Variants in MECOM observed in about 807,000 individuals in gnomAD.
MECOM encodes the protein MDS1 and EVI1 complex locus.
Under a neutral mutation model 116.3 loss-of-function variants are expected in MECOM, and 13 were observed. The observed-to-expected ratio is 0.11, with a 90% CI of 0.07 to 0.18. MECOM has a LOEUF of 0.18. Among genes scored for constraint, MECOM ranks in the 10% least tolerant of loss-of-function variants. The pLI is 1.00. For synonymous variants in MECOM, 528 were observed against 535.2 expected (o/e 0.99, Z 0.19); for missense variants, 1,299 against 1,509.0 (o/e 0.86, Z 2.31).
At chr3:169,518,716 C>T (rs1045533378) in intron 1 of MECOM, among the ~76,000 whole-genome samples, 10 of 152,158 alleles carry the variant, frequency 6.6e-5, no homozygotes, top group Admixed American at 3.3e-4. Flanking sequence ...TGAATTGTAA[C>T]TCCCACAATT....
intron 2 of MECOM, among the ~76,000 whole-genome samples, chr3:169,151,123 G>A (rs920658116): frequency 4.6e-5 from 7 of 152,094 alleles, no homozygotes; most frequent in Admixed American, 6.5e-5. Context: ...CTTCATGGTC[G>A]TCCCAGAAGT....
intron 2 of MECOM, among the ~76,000 whole-genome samples, chr3:169,328,819 G>A (rs1445111154): frequency 1.3e-5 from 2 of 152,114 alleles, no homozygotes; most frequent in East Asian, 3.8e-4. Flanking sequence ...ATAGAGAATT[G>A]TTGTACTTGA....
intron 2 of MECOM, among the ~76,000 whole-genome samples, chr3:169,348,564 A>G (rs1725768041): frequency 6.6e-6 from 1 of 152,006 alleles, no homozygotes. Flanking sequence ...CAGGAACTAC[A>G]AAGCAATCCT....
At chr3:169,254,925 C>T (rs1014053845) in intron 2 of MECOM, among the ~76,000 whole-genome samples, 1 of 151,996 alleles carries the variant, frequency 6.6e-6, no homozygotes, top group African/African-American at 2.4e-5. Context: ...TCCATGAAGG[C>T]TCTTCTTCTG....
intron 2 of MECOM, among the ~76,000 whole-genome samples, chr3:169,290,262 CTG>C (rs1714254229): frequency 6.6e-6 from 1 of 151,926 alleles, no homozygotes; most frequent in Non-Finnish European, 1.5e-5. Flanking sequence ...AACACAGTAA[CTG>C]GGGGAAAAAA....
intron 3 of MECOM, among the ~76,000 whole-genome samples, chr3:169,135,162 ACT>A (rs1735976622): frequency 6.6e-6 from 1 of 151,914 alleles, no homozygotes; most frequent in Admixed American, 6.6e-5. Context: ...TACTAATATA[ACT>A]CTCTCATTTT....
chr3:169,428,443 A>C (rs968055951), intron 1 of MECOM, among the ~76,000 whole-genome samples: 22 of 152,144 alleles, frequency 1.4e-4, no homozygotes, highest in African/African-American at 4.6e-4. Context: ...CAGTCATCTG[A>C]CAGAGGTGGA....
chr3:169,489,603 G>T (rs984007934), intron 1 of MECOM, among the ~76,000 whole-genome samples: 19 of 152,126 alleles, frequency 1.2e-4, no homozygotes, highest in African/African-American at 4.3e-4. Flanking sequence ...TGGGAACTTG[G>T]TATATGATGG....
intron 1 of MECOM, among the ~76,000 whole-genome samples, chr3:169,492,896 G>T (rs766055209): frequency 6.6e-6 from 1 of 151,094 alleles, no homozygotes; most frequent in Non-Finnish European, 1.5e-5. Context: ...GGAGGCGGAG[G>T]TTGCAATGAG....
chr3:169,277,987 A>T (rs1759823991), intron 2 of MECOM, among the ~76,000 whole-genome samples: 1 of 152,218 alleles, frequency 6.6e-6, no homozygotes, highest in South Asian at 2.1e-4. Context: ...TCTAAAGTGG[A>T]CCAACTTAGT....
intron 1 of MECOM, among the ~76,000 whole-genome samples, chr3:169,386,162 T>C (rs1246489144): frequency 6.6e-6 from 1 of 152,182 alleles, no homozygotes; most frequent in Non-Finnish European, 1.5e-5. Flanking sequence ...ATAACTACCA[T>C]AGGTTTCCAC....
chr3:169,382,545 G>A (rs1218941319), intron 1 of MECOM, among the ~76,000 whole-genome samples: 1 of 112,264 alleles, frequency 8.9e-6, no homozygotes, highest in Non-Finnish European at 1.9e-5. Context: ...TTGTCTTAGA[G>A]CAAATGAATA....
At chr3:169,570,385 T>A (rs1576929157) in intron 1 of MECOM, among the ~76,000 whole-genome samples, 1 of 152,248 alleles carries the variant, frequency 6.6e-6, no homozygotes, top group East Asian at 1.9e-4. Flanking sequence ...ACCAGACGGA[T>A]TCACAGCTGA....
intron 2 of MECOM, among the ~76,000 whole-genome samples, chr3:169,186,780 C>T (rs1196380393): frequency 6.6e-6 from 1 of 152,056 alleles, no homozygotes. Context: ...AGCTCCTCCA[C>T]CTAGAAAATA....
intron 14 of MECOM, 32 bp downstream of exon 14, chr3:169,092,926 C>T (rs1720229096): frequency 6.2e-7 from 1 of 1,607,556 alleles, no homozygotes; most frequent in Admixed American, 1.7e-5. Flanking sequence ...TTTCAGTCGT[C>T]ACAGAGTTTA....
chr3:169,622,172 C>T (rs1221751252), intron 1 of MECOM, among the ~76,000 whole-genome samples: 2 of 152,134 alleles, frequency 1.3e-5, no homozygotes, highest in East Asian at 3.9e-4. Context: ...TCATTGCAAC[C>T]TCTGCTTCCT....
At chr3:169,138,026 A>G (rs1736889886) in intron 3 of MECOM, among the ~76,000 whole-genome samples, 1 of 152,120 alleles carries the variant, frequency 6.6e-6, no homozygotes, top group East Asian at 1.9e-4. Flanking sequence ...ACCTTTGGGA[A>G]GAGTTCCATC....
intron 2 of MECOM, among the ~76,000 whole-genome samples, chr3:169,171,756 A>T (rs1744439228): frequency 6.6e-6 from 1 of 152,170 alleles, no homozygotes; most frequent in African/African-American, 2.4e-5. Context: ...GGGAAAGACC[A>T]CAAAGAGAAA....
intron 1 of MECOM, among the ~76,000 whole-genome samples, chr3:169,384,819 G>C (rs1733027520): frequency 6.6e-6 from 1 of 152,006 alleles, no homozygotes; most frequent in Admixed American, 6.6e-5. Context: ...AAAAAGGATA[G>C]AGGCCGGGTG....
Sources: gnomAD v4.1 joint callset for allele counts (sites outside exome capture counted in the v4.1 genomes callset) on GRCh38, gnomAD v4.1.1 for gene constraint, MANE v1.5 for transcripts, NCBI Gene and HGNC (gene_info 2026-07-23, HGNC 2026-07-21) for gene names.